The following HEPHL1 variants were observed in gnomAD, a reference collection of about 807,000 sequenced individuals.
The protein encoded by HEPHL1 is hephaestin like 1.
Under a neutral mutation model 122.0 loss-of-function variants are expected in HEPHL1, and 123 were observed. That is an observed-to-expected ratio of 1.01 (90% confidence interval 0.87 to 1.17). The LOEUF (loss-of-function observed/expected upper bound fraction) is 1.17, where lower values mean the gene tolerates loss of function less well. Ranked by LOEUF, HEPHL1 falls within the 50% of genes most tolerant of loss-of-function variation. The pLI, the probability that HEPHL1 is intolerant of heterozygous loss-of-function variation, is 0.00. For missense variants in HEPHL1, 1,452 were observed against 1,430.5 expected (o/e 1.01, Z -0.24); for synonymous variants, 527 against 508.9 (o/e 1.04, Z -0.48).
At chr11:94,047,134 T>C (rs147002013) in intron 2 of HEPHL1, among the ~76,000 whole-genome samples, 34 of 152,356 alleles carry the variant, frequency 2.2e-4, no homozygotes, top group Middle Eastern at 3.4e-3. Context: ...TCTTAGTTGT[T>C]GAGGATGAGC....
chr11:94,035,702 T>A (rs1945714351), intron 1 of HEPHL1, among the ~76,000 whole-genome samples: 1 of 152,158 alleles, frequency 6.6e-6, no homozygotes, highest in Non-Finnish European at 1.5e-5. Context: ...GGCTTCCTGT[T>A]GGTCCCCCTC....
intron 4 of HEPHL1, among the ~76,000 whole-genome samples, chr11:94,066,949 A>C (rs931591068): frequency 7.9e-5 from 12 of 152,126 alleles, no homozygotes; most frequent in Non-Finnish European, 1.6e-4. Flanking sequence ...TTTTAAAGTA[A>C]ACAAACAAAC....
chr11:94,056,051 T>C, intron 2 of HEPHL1: 1 of 473,504 alleles, frequency 2.1e-6, no homozygotes, highest in Non-Finnish European at 3.7e-6. Flanking sequence ...CTTCCTGTAT[T>C]TTGATGCATT....
chr11:94,072,896 G>T (rs1183820988), intron 6 of HEPHL1, 129 bp from the exon 7 acceptor site: 4 of 789,124 alleles, frequency 5.1e-6, no homozygotes, highest in Admixed American at 2.7e-5. Flanking sequence ...CTCTGTCAAG[G>T]CCTGTGCTGT....
chr11:94,078,499 A>C (rs2134437123), intron 9 of HEPHL1, among the ~76,000 whole-genome samples: 1 of 149,814 alleles, frequency 6.7e-6, no homozygotes, highest in Admixed American at 6.7e-5. Context: ...ACACAGAGAG[A>C]TATTTATTAT....
intron 1 of HEPHL1, among the ~76,000 whole-genome samples, chr11:94,031,232 C>T (rs898816108): frequency 6.6e-6 from 1 of 152,070 alleles, no homozygotes; most frequent in African/African-American, 2.4e-5. Flanking sequence ...TCCGTCCTCC[C>T]TCCCACCTGT....
intron 1 of HEPHL1, among the ~76,000 whole-genome samples, chr11:94,025,399 T>TTAA (rs1340840231): frequency 6.6e-6 from 1 of 151,994 alleles, no homozygotes; most frequent in Admixed American, 6.6e-5. Flanking sequence ...TTAAGGTGTG[T>TTAA]GTTTGGTGGT....
intron 10 of HEPHL1, among the ~76,000 whole-genome samples, chr11:94,083,500 A>C (rs1946190503): frequency 6.6e-6 from 1 of 152,250 alleles, no homozygotes; most frequent in Non-Finnish European, 1.5e-5. Flanking sequence ...AAGAGTGTGC[A>C]GTCAATAAAA....
At chr11:94,028,805 G>A (rs1324719619) in intron 1 of HEPHL1, among the ~76,000 whole-genome samples, 1 of 152,198 alleles carries the variant, frequency 6.6e-6, no homozygotes, top group East Asian at 1.9e-4. Context: ...TGGCTCCCTT[G>A]AAGTTACTTC....
chr11:94,049,837 A>G (rs1565349038), intron 2 of HEPHL1, among the ~76,000 whole-genome samples: 1 of 151,996 alleles, frequency 6.6e-6, no homozygotes, highest in Non-Finnish European at 1.5e-5. Flanking sequence ...CTCCATATAT[A>G]TATTTGATCA....
intron 12 of HEPHL1, among the ~76,000 whole-genome samples, chr11:94,089,276 G>A (rs1212159852): frequency 4.6e-5 from 7 of 152,164 alleles, no homozygotes; most frequent in African/African-American, 7.2e-5. Flanking sequence ...GTGGGGCTGG[G>A]AAGACAAAAA....
At chr11:94,083,148 G>A (rs1481367894) in intron 10 of HEPHL1, among the ~76,000 whole-genome samples, 2 of 151,600 alleles carry the variant, frequency 1.3e-5, no homozygotes, top group Non-Finnish European at 2.9e-5. Flanking sequence ...GAAAATTACT[G>A]ACAAACTACT....
chr11:94,084,117 G>T (rs1385988053), intron 10 of HEPHL1, among the ~76,000 whole-genome samples: 1 of 151,968 alleles, frequency 6.6e-6, no homozygotes, highest in Non-Finnish European at 1.5e-5. Flanking sequence ...TTGCATCCAG[G>T]AGTTCAAGAC....
Position 94,086,032 on chromosome 11 carries a change from TAG to T in HEPHL1, c.1926_1927del (p.Arg642SerfsTer11), listed in dbSNP as rs751272817. Reference protein sequence around the residue: ...QPGLNMCKRDRVSWHLIGLGT... With the variant: ...QPGLNMCKRDXVSWHLIGLGT... Reference sequence around the variant, plus strand: ...CAGGCTTAAACATGTGTAAAAGGGATAGAGTTTCCTGGCATCTGATTGGATTG... The same window carrying T: ...CAGGCTTAAACATGTGTAAAAGGGATAGTTTCCTGGCATCTGATTGGATTG... On this transcript the variant is annotated frameshift_variant, in exon 11 of 20. Coordinates refer to ENST00000315765, the MANE Select transcript of HEPHL1 (RefSeq NM_001098672.2). LOFTEE classifies it high-confidence loss of function. The T allele has an allele frequency of 1.4e-5, 22 of 1,613,830 alleles. No individual in the cohort carries two copies. The East Asian group carries it at 2.2e-4, about 16-fold the overall frequency.
intron 1 of HEPHL1, among the ~76,000 whole-genome samples, chr11:94,031,497 A>G (rs1451226268): frequency 2.6e-5 from 4 of 152,198 alleles, no homozygotes; most frequent in Non-Finnish European, 5.9e-5. Flanking sequence ...CATGAATGCC[A>G]TCATTTATTT....
intron 6 of HEPHL1, among the ~76,000 whole-genome samples, chr11:94,071,233 T>C (rs1946071410): frequency 6.6e-6 from 1 of 152,170 alleles, no homozygotes; most frequent in African/African-American, 2.4e-5. Context: ...CTAAAAAATG[T>C]ACAGTGTGAT....
At chr11:94,104,848 T>G in intron 16 of HEPHL1, 98 bp downstream of exon 16, 1 of 938,936 alleles carries the variant, frequency 1.1e-6, no homozygotes, top group Non-Finnish European at 1.6e-6. Context: ...GAGCCTTTCC[T>G]CCTTCCCAGG....
chr11:94,107,059 T>A (rs1246165181), intron 17 of HEPHL1, among the ~76,000 whole-genome samples: 1 of 152,092 alleles, frequency 6.6e-6, no homozygotes, highest in Non-Finnish European at 1.5e-5. Context: ...AGAATCTCCA[T>A]GGAAAGGTCC....
chr11:94,026,323 C>A (rs1392392362), intron 1 of HEPHL1, among the ~76,000 whole-genome samples: 2 of 152,162 alleles, frequency 1.3e-5, no homozygotes, highest in African/African-American at 2.4e-5. Flanking sequence ...ATACTCATAG[C>A]CACAAAGAGG....
Sources: allele counts gnomAD v4.1 joint callset (sites outside exome capture counted in the v4.1 genomes callset), GRCh38; gene constraint gnomAD v4.1.1; transcripts MANE v1.5; gene names NCBI Gene and HGNC (gene_info 2026-07-23, HGNC 2026-07-21).